The following SGCD variants were observed in gnomAD, a reference collection of about 807,000 sequenced individuals.
SGCD encodes the protein delta-sarcoglycan.
Under a neutral mutation model 36.6 loss-of-function variants are expected in SGCD, and 18 were observed. The observed-to-expected ratio is 0.49, with a 90% CI of 0.34 to 0.73. The LOEUF (loss-of-function observed/expected upper bound fraction) is 0.73, where lower values mean the gene tolerates loss of function less well. Ranked by LOEUF, SGCD falls within the 30% of genes least tolerant of loss-of-function variation. The probability of loss-of-function intolerance (pLI) is 0.01; values close to 1 mark genes in which losing one functional copy is unlikely to be tolerated. For missense variants in SGCD, 387 were observed against 346.7 expected (o/e 1.12, Z -0.92); for synonymous variants, 133 against 130.6 (o/e 1.02, Z -0.12).
the SGCD span, among the ~76,000 whole-genome samples, chr5:155,813,016 G>A: frequency 6.6e-6 from 1 of 151,890 alleles, no homozygotes; most frequent in South Asian, 2.1e-4. Flanking sequence ...TAGTTGTAGA[G>A]CTAATTATCT....
intron 2 of SGCD, among the ~76,000 whole-genome samples, chr5:156,121,449 G>T (rs181479868): frequency 1.3e-5 from 2 of 152,090 alleles, no homozygotes; most frequent in African/African-American, 4.8e-5. Context: ...AACCTGAACC[G>T]CAGTAGTAAA....
At chr5:155,845,979 A>G in the SGCD span, among the ~76,000 whole-genome samples, 1 of 152,114 alleles carries the variant, frequency 6.6e-6, no homozygotes, top group Non-Finnish European at 1.5e-5. Flanking sequence ...TTTAAATTTC[A>G]CATGTAAACT....
At chr5:155,788,342 G>C in the SGCD span, among the ~76,000 whole-genome samples, 2,594 of 152,264 alleles carry the variant, frequency 0.017, 83 homozygotes, top group African/African-American at 0.058. Context: ...TGGAGAGACA[G>C]GAAGAATGAC....
chr5:155,782,506 A>G, the SGCD span, among the ~76,000 whole-genome samples: 1 of 152,210 alleles, frequency 6.6e-6, no homozygotes, highest in Non-Finnish European at 1.5e-5. Flanking sequence ...GTTCATTATT[A>G]GTAGTAATTT....
chr5:156,211,991 A>C (rs1244202055), intron 3 of SGCD, among the ~76,000 whole-genome samples: 1 of 152,190 alleles, frequency 6.6e-6, no homozygotes, highest in Admixed American at 6.5e-5. Context: ...TGGAACCGCA[A>C]AGCAAAAACG....
chr5:156,696,915 A>AACACACAC (rs57963416), intron 7 of SGCD, among the ~76,000 whole-genome samples: 94 of 145,176 alleles, frequency 6.5e-4, no homozygotes, highest in African/African-American at 1.9e-3. Context: ...CCTTACACAC[A>AACACACAC]ACACACACAC....
chr5:156,078,053 C>T (rs1011910973), intron 1 of SGCD, among the ~76,000 whole-genome samples: 3 of 151,978 alleles, frequency 2.0e-5, no homozygotes, highest in Non-Finnish European at 2.9e-5. Flanking sequence ...AAAAGAATCC[C>T]TTCTTTTTGT....
intron 7 of SGCD, among the ~76,000 whole-genome samples, chr5:156,698,249 A>T (rs1275201457): frequency 1.3e-5 from 2 of 152,322 alleles, no homozygotes; most frequent in East Asian, 3.9e-4. Flanking sequence ...ATCACTCATA[A>T]GAACAGAACC....
intron 3 of SGCD, among the ~76,000 whole-genome samples, chr5:156,489,745 G>A (rs1272208908): frequency 1.3e-5 from 2 of 151,836 alleles, no homozygotes; most frequent in African/African-American, 4.8e-5. Flanking sequence ...AAAGTTTATA[G>A]CAATAAGCAC....
At chr5:155,821,886 C>T in the SGCD span, among the ~76,000 whole-genome samples, 5 of 152,072 alleles carry the variant, frequency 3.3e-5, no homozygotes, top group East Asian at 3.9e-4. Flanking sequence ...AAAATAATAA[C>T]GATAATGCCT....
In SGCD at chr5:155,929,488, A is replaced by G. The variant is rs191032773; in HGVS notation, c.-282+59064A>G. On this transcript the variant is annotated intron_variant, in intron 1 of 9. Coordinates refer to the SGCD transcript ENST00000517913. ...TTTTTTCCTCCTCTGCTATTGCTCT[A>G]TTTTATTTACACATCACATTTACCT... Among the ~76,000 whole-genome samples, 5 of 152,120 alleles carry G rather than the reference A, an allele frequency of 3.3e-5. No homozygotes were observed. In the East Asian group the frequency reaches 9.7e-4, roughly 29 times the overall value.
intron 3 of SGCD, among the ~76,000 whole-genome samples, chr5:156,361,048 G>A (rs187698716): frequency 2.0e-5 from 3 of 152,214 alleles, no homozygotes; most frequent in Non-Finnish European, 2.9e-5. Flanking sequence ...CTGTAATGCT[G>A]TAAGCCCCTC....
In SGCD at chr5:155,947,869, A is replaced by C. The variant is rs151000558; in HGVS notation, c.-282+77445A>C. Among the ~76,000 whole-genome samples, 330 of 152,200 alleles carry C rather than the reference A, an allele frequency of 2.2e-3. 1 individual carries two copies. Among genetic ancestry groups the C allele is most frequent in the African/African-American group, 7.5e-3 (313 of 41,520 alleles). On this transcript the variant is annotated intron_variant, in intron 1 of 9. Coordinates refer to the SGCD transcript ENST00000517913. ...AGAGTTCAGAGTTTACAAGCTTATA[A>C]GCTCTATGAACTTGCGTAAGACACA...
chr5:156,647,514 G>T lies in SGCD; in HGVS notation c.553G>T (p.Ala185Ser). ...ATCTATAGAAACACCTAATGTCAGGGCAGACCCCTTCAAAGAACTAAGGTA... is the reference window on the plus strand; with the variant it reads ...ATCTATAGAAACACCTAATGTCAGGTCAGACCCCTTCAAAGAACTAAGGTA... ...PKSIETPNVR[A>S]DPFKELRLES... The change falls in exon 7 of 9, where the codon GCA (alanine) becomes TCA (serine). Residue 185 changes from alanine (A) to serine (S), a missense_variant. Physicochemically the swap from Ala to Ser is moderately conservative, Grantham distance 99. Transcript: ENST00000337851. The T allele has an allele frequency of 6.3e-7, 1 of 1,583,278 alleles. No individual in the cohort carries two copies.
intron 5 of SGCD, among the ~76,000 whole-genome samples, chr5:156,591,142 G>A (rs1177342640): frequency 6.6e-6 from 1 of 151,996 alleles, no homozygotes. Flanking sequence ...CAGTGGAAAA[G>A]CACCCAGCCA....
At chr5:156,651,735 G>A (rs1412720982) in intron 7 of SGCD, among the ~76,000 whole-genome samples, 2 of 151,978 alleles carry the variant, frequency 1.3e-5, no homozygotes, top group Non-Finnish European at 2.9e-5. Flanking sequence ...TAATGTGATA[G>A]CTCTGGAGTT....
At chr5:156,400,462 A>G (rs1276096141) in intron 3 of SGCD, among the ~76,000 whole-genome samples, 1 of 152,224 alleles carries the variant, frequency 6.6e-6, no homozygotes, top group Admixed American at 6.5e-5. Flanking sequence ...ACATCTGGAC[A>G]GATAACTACT....
At chr5:156,141,596 T>A (rs1229424899) in intron 3 of SGCD, among the ~76,000 whole-genome samples, 4 of 152,120 alleles carry the variant, frequency 2.6e-5, no homozygotes, top group African/African-American at 7.2e-5. Context: ...AATGCAGTGG[T>A]TTTTCCTCTT....
chr5:156,556,511 G>T (rs936363992), intron 4 of SGCD, among the ~76,000 whole-genome samples: 1 of 152,044 alleles, frequency 6.6e-6, no homozygotes, highest in African/African-American at 2.4e-5. Context: ...TTTGTGTTTA[G>T]CAATGGCTTA....
Sources: gnomAD v4.1 joint callset for allele counts (sites outside exome capture counted in the v4.1 genomes callset) on GRCh38, gnomAD v4.1.1 for gene constraint, MANE v1.5 for transcripts, NCBI Gene and HGNC (gene_info 2026-07-23, HGNC 2026-07-21) for gene names.